CSMD1: variants seen among roughly 807,000 people sequenced by gnomAD.
The protein encoded by CSMD1 is CUB and sushi domain-containing protein 1.
A neutral mutation model predicts 417.5 loss-of-function variants in CSMD1; 213 were observed. That is an observed-to-expected ratio of 0.51 (90% confidence interval 0.46 to 0.57). CSMD1 has a LOEUF of 0.57. Ranked by LOEUF, CSMD1 falls within the 20% of genes least tolerant of loss-of-function variation. The probability of loss-of-function intolerance (pLI) is 0.00; values close to 1 mark genes in which losing one functional copy is unlikely to be tolerated. For missense variants in CSMD1, 6,923 were observed against 4,529.7 expected, an observed-to-expected ratio of 1.53 and a Z score of -15.17; for synonymous variants, 2,862 against 1,736.8, an observed-to-expected ratio of 1.65 and a Z score of -16.11.
chr8:3,447,833 G>C (rs1304569297), intron 12 of CSMD1, among the ~76,000 whole-genome samples: 1 of 152,126 alleles, frequency 6.6e-6, no homozygotes, highest in Admixed American at 6.5e-5. Flanking sequence ...TTTTGGGTTT[G>C]AGATGGAGGC....
At chr8:3,417,682 C>G (rs963247498) in intron 12 of CSMD1, among the ~76,000 whole-genome samples, 2 of 152,174 alleles carry the variant, frequency 1.3e-5, no homozygotes, top group Non-Finnish European at 2.9e-5. Flanking sequence ...GCAACAGTTT[C>G]TTGTGCAACT....
chr8:2,966,455 T>C, intron 58 of CSMD1, 115 bp downstream of exon 58: 1 of 956,624 alleles, frequency 1.0e-6, no homozygotes. Context: ...TTTTCCCTTT[T>C]TTCCTCTATG....
chr8:4,836,584 T>C (rs1800507435), intron 1 of CSMD1, among the ~76,000 whole-genome samples: 1 of 152,258 alleles, frequency 6.6e-6, no homozygotes, highest in Non-Finnish European at 1.5e-5. Context: ...GAATAAGTTT[T>C]GATTAGTATG....
chr8:3,883,932 G>A (rs534803250), intron 5 of CSMD1, among the ~76,000 whole-genome samples: 12 of 152,080 alleles, frequency 7.9e-5, no homozygotes. Flanking sequence ...ATGAATATAG[G>A]CATACGCTTT....
chr8:3,187,398 G>A (rs1173051915), intron 36 of CSMD1, among the ~76,000 whole-genome samples: 2 of 152,180 alleles, frequency 1.3e-5, no homozygotes, highest in East Asian at 3.8e-4. Flanking sequence ...GTGCAAGGAA[G>A]ACTAAGAGAG....
intron 6 of CSMD1, among the ~76,000 whole-genome samples, chr8:3,747,444 C>T (rs766600103): frequency 5.9e-5 from 9 of 152,020 alleles, no homozygotes; most frequent in East Asian, 5.8e-4. Flanking sequence ...GTCATCCATG[C>T]GAACACATAG....
intron 68 of CSMD1, among the ~76,000 whole-genome samples, chr8:2,944,937 A>G (rs1260454467): frequency 2.6e-5 from 4 of 152,232 alleles, no homozygotes; most frequent in Admixed American, 2.6e-4. Flanking sequence ...TCTACGTGTC[A>G]CAAGACACCT....
chr8:3,237,820 C>G (rs1198692723), intron 26 of CSMD1, among the ~76,000 whole-genome samples: 5 of 104,782 alleles, frequency 4.8e-5, no homozygotes, highest in African/African-American at 1.7e-4. Context: ...TATACTTATA[C>G]TACAAGTATA....
chr8:3,398,240 A>G (rs767822753), intron 16 of CSMD1, among the ~76,000 whole-genome samples: 17 of 152,216 alleles, frequency 1.1e-4, no homozygotes, highest in Admixed American at 3.9e-4. Context: ...CAGTAAGTGG[A>G]GAAATTAGTA....
intron 19 of CSMD1, among the ~76,000 whole-genome samples, chr8:3,368,283 G>C (rs1055104764): frequency 4.6e-5 from 7 of 152,112 alleles, no homozygotes; most frequent in African/African-American, 1.7e-4. Flanking sequence ...TCAAATCTAT[G>C]TGAAAAGACG....
At chr8:3,587,588 A>G (rs1800659975) in intron 8 of CSMD1, among the ~76,000 whole-genome samples, 1 of 152,138 alleles carries the variant, frequency 6.6e-6, no homozygotes, top group Non-Finnish European at 1.5e-5. Flanking sequence ...CATTCAAGTA[A>G]CATCGCACCA....
rs537428748 is a variant in CSMD1, at chr8:3,232,661, G to T, written c.4154-2430C>A. ...AGATTGTCCTTTAAATTCAATCCCAGAATTGTCTTTTAATTGGATAGTTTA... is the reference window on the plus strand; with the variant it reads ...AGATTGTCCTTTAAATTCAATCCCATAATTGTCTTTTAATTGGATAGTTTA... On this transcript the variant is annotated intron_variant, in intron 26 of 69. Coordinates refer to ENST00000635120, the MANE Select transcript of CSMD1 (RefSeq NM_033225.6). Among the ~76,000 whole-genome samples, 4 of 152,190 alleles carry T rather than the reference G, an allele frequency of 2.6e-5. No individual in the cohort carries two copies. In the South Asian group the frequency reaches 8.3e-4, roughly 32 times the overall value.
chr8:4,631,994 T>C (rs1042541286), intron 2 of CSMD1, among the ~76,000 whole-genome samples: 2 of 152,222 alleles, frequency 1.3e-5, no homozygotes, highest in Admixed American at 1.3e-4. Flanking sequence ...ACCTTTGATA[T>C]AATAATTTTA....
At chr8:4,170,085 G>C (rs370278556) in intron 3 of CSMD1, among the ~76,000 whole-genome samples, 3 of 151,782 alleles carry the variant, frequency 2.0e-5, no homozygotes, top group Non-Finnish European at 4.4e-5. Flanking sequence ...GTGAGTCAAA[G>C]ATTAAAAATA....
chr8:3,739,895 G>C (rs886165818), intron 6 of CSMD1, among the ~76,000 whole-genome samples: 3 of 152,076 alleles, frequency 2.0e-5, no homozygotes, highest in Non-Finnish European at 4.4e-5. Flanking sequence ...AATAATGCTG[G>C]TTGCAGCCTT....
At chr8:3,193,212 G>C (rs746172181) in intron 33 of CSMD1, among the ~76,000 whole-genome samples, 1 of 152,124 alleles carries the variant, frequency 6.6e-6, no homozygotes. Context: ...AAAATGAGGA[G>C]AAATATAGCA....
At chr8:4,008,336 G>A (rs1377722168) in intron 4 of CSMD1, among the ~76,000 whole-genome samples, 1 of 151,708 alleles carries the variant, frequency 6.6e-6, no homozygotes, top group African/African-American at 2.4e-5. Context: ...TTAATATAAT[G>A]GAAGCTCCTT....
intron 23 of CSMD1, among the ~76,000 whole-genome samples, chr8:3,310,223 A>G (rs1244819371): frequency 6.6e-6 from 1 of 152,170 alleles, no homozygotes; most frequent in East Asian, 1.9e-4. Context: ...AAAGGAAGAC[A>G]TTCAATATCA....
chr8:3,221,539 A>C (rs921289867), intron 28 of CSMD1, among the ~76,000 whole-genome samples: 3 of 151,764 alleles, frequency 2.0e-5, no homozygotes, highest in Non-Finnish European at 2.9e-5. Flanking sequence ...AAAACAAACA[A>C]ACAAACAAAC....
Sources: gnomAD v4.1 joint callset for allele counts (sites outside exome capture counted in the v4.1 genomes callset) on GRCh38, gnomAD v4.1.1 for gene constraint, MANE v1.5 for transcripts, NCBI Gene and HGNC (gene_info 2026-07-23, HGNC 2026-07-21) for gene names.